Variants in ALDH3B2 observed in about 807,000 individuals in gnomAD.
ALDH3B2 encodes the protein aldehyde dehydrogenase 3 family member B2.
A neutral mutation model predicts 36.7 loss-of-function variants in ALDH3B2; 45 were observed. That is an observed-to-expected ratio of 1.23 (90% CI 0.97 to 1.57). ALDH3B2 has a LOEUF of 1.57. ALDH3B2 is among the 40% of genes most tolerant of loss of function. The pLI is 0.00. For synonymous variants in ALDH3B2, 217 were observed against 226.5 expected (o/e 0.96, Z 0.38); for missense variants, 464 against 513.3 (o/e 0.90, Z 0.93).
chr11:67,679,922 G>A (rs1186118438), intron 1 of ALDH3B2, among the ~76,000 whole-genome samples: 1 of 152,020 alleles, frequency 6.6e-6, no homozygotes, highest in Non-Finnish European at 1.5e-5. Context: ...TTCTTTCAAA[G>A]GAAAATTATA....
At chr11:67,674,282 CATGGCCCCTGCAGCCAT>C (rs1168383754) in intron 1 of ALDH3B2, among the ~76,000 whole-genome samples, 137 bp downstream of exon 1, 3 of 152,198 alleles carry the variant, frequency 2.0e-5, no homozygotes, top group Non-Finnish European at 2.9e-5. Flanking sequence ...GCCCCGTACC[CATGGCCCCTGCAGCCAT>C]AGGCCCCTTG....
At chr11:67,670,336 GTGTA>G (rs1397282743) in intron 1 of ALDH3B2, among the ~76,000 whole-genome samples, 1 of 151,506 alleles carries the variant, frequency 6.6e-6, no homozygotes, top group Non-Finnish European at 1.5e-5. Flanking sequence ...GTGTCTGTGT[GTGTA>G]TGGGTGTCTG....
In ALDH3B2 at chr11:67,672,083, A is replaced by G. The variant is rs58805240; in HGVS notation, c.-245+2354T>C. Among the ~76,000 whole-genome samples the G allele has an allele frequency of 1.2e-3, 99 of 80,240 alleles. 5 individuals are homozygous for G. Among genetic ancestry groups the G allele is most frequent in the Non-Finnish European group, 1.9e-3 (79 of 41,318 alleles). 52.6% of individuals were successfully genotyped at this position (80,240 alleles called of 152,430 possible). On this transcript the variant is annotated intron_variant, in intron 1 of 9. Transcript: ENST00000349015. ...TATATATATATATATATATATATATATATATGTATGTATGTATTTTGTGTG... is the reference window on the plus strand; with the variant it reads ...TATATATATATATATATATATATATGTATATGTATGTATGTATTTTGTGTG...
rs777170275 is a variant in ALDH3B2, at chr11:67,666,448, T to A, written c.152-47A>T. The A allele has an allele frequency of 2.1e-5, 34 of 1,604,680 alleles. 1 individual carries two copies. The South Asian group carries it at 3.8e-4, about 18-fold the overall frequency. ...TCGTTGGGGGAGCCCAGGGTCCCCA[T>A]GCCCAACCAGGGGCTGGGCTCAGAG... On this transcript the variant is annotated intron_variant, in intron 4 of 9. Transcript: ENST00000349015.
intron 8 of ALDH3B2, 153 bp downstream of exon 8, chr11:67,664,243 G>T: frequency 8.2e-7 from 1 of 1,221,316 alleles, no homozygotes; most frequent in Non-Finnish European, 1.2e-6. Flanking sequence ...AGGCATCCTT[G>T]CGCCGGATGC....
In ALDH3B2 at chr11:67,665,486, C is replaced by T. The variant is rs140215620; in HGVS notation, c.505G>A (p.Val169Ile). The T allele has an allele frequency of 1.6e-4, 265 of 1,614,066 alleles. No individual in the cohort carries two copies. Among genetic ancestry groups the T allele is most frequent in the South Asian group, 5.9e-4 (54 of 91,082 alleles). Reference sequence around the variant, plus strand: ...TCCTGCATCTCGGGGCTGCACAGGACGTAGTCAGGGGCCACGCAGGTCTGG... The same window carrying T: ...TCCTGCATCTCGGGGCTGCACAGGATGTAGTCAGGGGCCACGCAGGTCTGG... The change falls in exon 7 of 10, where the codon GTC (valine) becomes ATC (isoleucine). Residue 169 changes from valine to isoleucine, a missense_variant. Val to Ile is a conservative substitution (Grantham distance 29). Transcript: ENST00000349015.
rs1295123790 is a variant in ALDH3B2, at chr11:67,665,465, G to A, written c.526C>T (p.Gln176Ter). 9 of 1,613,980 alleles carry A rather than the reference G, an allele frequency of 5.6e-6. No homozygotes were observed. The highest frequency in any genetic ancestry group is 7.6e-6 in the Non-Finnish European group (9 of 1,180,016). The change falls in exon 7 of 10, where the codon CAG (glutamine) becomes TAG (stop). Residue 176 changes from glutamine to a stop codon, truncating the protein, a stop_gained. Transcript: ENST00000349015. LOFTEE classifies it high-confidence loss of function. ...TGCAGGGCGGGCAGCAGCCTCTCCT[G>A]CATCTCGGGGCTGCACAGGACGTAG...
At chr11:67,670,364 C>T (rs934097548) in intron 1 of ALDH3B2, among the ~76,000 whole-genome samples, 1 of 151,550 alleles carries the variant, frequency 6.6e-6, no homozygotes, top group African/African-American at 2.4e-5. Context: ...CCATGTGTGT[C>T]GTGTGTGTGT....
intron 9 of ALDH3B2, 58 bp downstream of exon 9, chr11:67,663,604 C>A: frequency 6.5e-7 from 1 of 1,527,516 alleles, no homozygotes; most frequent in Non-Finnish European, 9.0e-7. Flanking sequence ...AAGGGACTTC[C>A]TGGGTCTGGG....
At chr11:67,668,645 T>C (rs1855988780) in intron 1 of ALDH3B2, among the ~76,000 whole-genome samples, 1 of 152,056 alleles carries the variant, frequency 6.6e-6, no homozygotes, top group South Asian at 2.1e-4. Flanking sequence ...TGTGTGTGTA[T>C]GGCTGTCTGT....
At chr11:67,679,606 T>C (rs1303142076), upstream of ALDH3B2, among the ~76,000 whole-genome samples, 3 of 151,634 alleles carry the variant, frequency 2.0e-5, no homozygotes, top group Non-Finnish European at 4.4e-5. Flanking sequence ...AGTGAAACCC[T>C]GTCTCTACTA....
At chr11:67,665,357 G>A (rs149110344) in exon 7 of ALDH3B2, 130 of 1,613,480 alleles carry the variant, frequency 8.1e-5, no homozygotes, top group Non-Finnish European at 9.8e-5. Flanking sequence ...GCCCGCAGCC[G>A]CTGGAACTGT....
Position 67,671,515 on chromosome 11 carries a change from G to C in ALDH3B2, c.-245+2922C>G, listed in dbSNP as rs141864533. ...GTAAGCTAAAAGGAAAATTCAAGCT[G>C]GAAACTGATCAGGGCCAACCTGCCT... On this transcript the variant is annotated intron_variant, in intron 1 of 9. Coordinates refer to ENST00000349015, the Ensembl canonical transcript of ALDH3B2. Among the ~76,000 whole-genome samples the C allele has an allele frequency of 4.8e-3, 721 of 151,204 alleles. 4 individuals are homozygous for C. Among genetic ancestry groups the C allele is most frequent in the African/African-American group, 0.017 (681 of 41,178 alleles).
rs770256337 is a variant in ALDH3B2, at chr11:67,663,765, C to G, written c.874-4G>C. 1.9e-6 allele frequency: 3 copies of G among 1,608,166 alleles called. No individual in the cohort carries two copies. Among genetic ancestry groups the G allele is most frequent in the Admixed American group, 1.7e-5 (1 of 59,754 alleles). ...GCTCCAGCATCTGGTTCACAACCTG[C>G]CAGGGAGTGAGAAGGTGGGTGTTGG... On this transcript the variant is annotated splice_polypyrimidine_tract_variant and splice_region_variant and intron_variant, in intron 8 of 9. Coordinates refer to ENST00000349015, the Ensembl canonical transcript of ALDH3B2.
At chr11:67,665,744 C>T in intron 6 of ALDH3B2, 73 bp from the exon 7 acceptor site, 3 of 1,536,146 alleles carry the variant, frequency 2.0e-6, no homozygotes, top group Non-Finnish European at 2.6e-6. Context: ...CCAGAGCCTG[C>T]TCCTCCCTGG....
chr11:67,666,515 G>C (rs545124772), intron 4 of ALDH3B2, 59 bp downstream of exon 4: 1 of 1,609,828 alleles, frequency 6.2e-7, no homozygotes, highest in Admixed American at 1.7e-5. Flanking sequence ...GATTCCAGGG[G>C]CCTCTTTGGG....
rs777644789 is a variant in ALDH3B2 at position 67,666,309 on chromosome 11, C to A, written c.237+7G>T. 7.5e-6 allele frequency: 12 copies of A among 1,609,054 alleles called. No individual in the cohort carries two copies. Among genetic ancestry groups the A allele is most frequent in the Middle Eastern group, 1.7e-4 (1 of 6,058 alleles). The stretch of plus-strand genomic sequence containing the variant: ...GTCGGGCACTGCTGGGGCAGGGCCA[C>A]CCTCACCTGGTCCAGGTACTGGGGC... On this transcript the variant is annotated splice_region_variant and intron_variant, in intron 5 of 9. Coordinates refer to ENST00000349015, the Ensembl canonical transcript of ALDH3B2.
At chr11:67,663,475 A>G in intron 9 of ALDH3B2, 76 bp from the exon 10 acceptor site, 1 of 1,526,858 alleles carries the variant, frequency 6.5e-7, no homozygotes, top group South Asian at 1.2e-5. Flanking sequence ...TGCCCCGGCC[A>G]GGGCACACAG....
In ALDH3B2 at chr11:67,672,042, C is replaced by CATAT. The variant is rs57997475; in HGVS notation, c.-245+2391_-245+2394dup. ...CTTTCTGGATGGAACCGATGTACTT[C>CATAT]ATATATATATATATATATATATATA... On this transcript the variant is annotated intron_variant, in intron 1 of 9. Coordinates refer to ENST00000349015, the Ensembl canonical transcript of ALDH3B2. 2.2e-3 allele frequency among the ~76,000 whole-genome samples: 111 copies of CATAT among 49,428 alleles called. 2 individuals are homozygous for CATAT. Among genetic ancestry groups the CATAT allele is most frequent in the African/African-American group, 9.3e-3 (91 of 9,748 alleles). 32.4% of individuals were successfully genotyped at this position (49,428 alleles called of 152,430 possible).
Sources: gnomAD v4.1 joint callset for allele counts (sites outside exome capture counted in the v4.1 genomes callset) on GRCh38, gnomAD v4.1.1 for gene constraint, MANE v1.5 for transcripts, NCBI Gene and HGNC (gene_info 2026-07-23, HGNC 2026-07-21) for gene names.